Variants in WASL observed in about 807,000 individuals in gnomAD.
WASL encodes WASP like actin nucleation promoting factor.
A neutral mutation model predicts 55.5 loss-of-function variants in WASL; 20 were observed. The observed-to-expected ratio is 0.36, with a 90% CI of 0.25 to 0.52. The LOEUF is 0.52. Ranked by LOEUF, WASL falls within the 20% of genes least tolerant of loss-of-function variation. The probability of loss-of-function intolerance (pLI) is 0.92; values close to 1 mark genes in which losing one functional copy is unlikely to be tolerated. For synonymous variants in WASL, 249 were observed against 217.6 expected (o/e 1.14, Z -1.27); for missense variants, 504 against 622.5 (o/e 0.81, Z 2.03).
chr7:123,693,842 T>C (rs1033266754), intron 8 of WASL, among the ~76,000 whole-genome samples: 5 of 152,196 alleles, frequency 3.3e-5, no homozygotes, highest in Non-Finnish European at 7.3e-5. Flanking sequence ...GGTGCATGCC[T>C]GTAATCTCAG....
At chr7:123,725,305 G>A (rs1380393484) in intron 1 of WASL, among the ~76,000 whole-genome samples, 1 of 152,078 alleles carries the variant, frequency 6.6e-6, no homozygotes, top group Non-Finnish European at 1.5e-5. Flanking sequence ...TATTAAGTAT[G>A]CTCATCACTA....
intron 1 of WASL, among the ~76,000 whole-genome samples, chr7:123,728,768 G>A (rs1027572765): frequency 1.1e-4 from 16 of 151,868 alleles, no homozygotes; most frequent in African/African-American, 2.9e-4. Flanking sequence ...CGTGGGTGGC[G>A]GAGTTTGCAG....
At chr7:123,745,401 A>G (rs540508160) in intron 1 of WASL, among the ~76,000 whole-genome samples, 13 of 152,162 alleles carry the variant, frequency 8.5e-5, no homozygotes, top group African/African-American at 3.1e-4. Context: ...TACTTCCCCA[A>G]CTGTATCTCC....
At chr7:123,746,920 T>C (rs552372267) in intron 1 of WASL, among the ~76,000 whole-genome samples, 4 of 152,346 alleles carry the variant, frequency 2.6e-5, no homozygotes, top group South Asian at 2.1e-4. Flanking sequence ...ACAGGTTACA[T>C]AGCTAATCTA....
rs1803720344 is a variant in WASL, at chr7:123,709,334, GA to G, written c.118-112del. The G allele has an allele frequency of 8.7e-6, 7 of 800,354 alleles. No individual in the cohort carries two copies. The East Asian group carries it at 2.2e-4, about 25-fold the overall frequency. The allele number at this position is 800,354 out of a possible 1,614,324, so 49.6% of individuals were successfully genotyped here. A position where few individuals can be genotyped will look rare whatever the true frequency, so the allele number is the denominator to read the frequency against. On this transcript the variant is annotated intron_variant, in intron 1 of 10. Transcript: ENST00000223023. ...CCAGCTAAGCTGCTCCTAAATTCCT[GA>G]TTCACAGAAACAAGGAAATAATAAA... is the stretch of plus-strand genomic sequence containing the variant.
At position 123,717,170 on chromosome 7, in the gene WASL, T is replaced by C. The variant is rs1228980819; in HGVS notation, c.118-7947A>G. On this transcript the variant is annotated intron_variant, in intron 1 of 10. Coordinates refer to ENST00000223023, the MANE Select transcript of WASL (RefSeq NM_003941.4). ...AGTTTGTGGTAGTGGTTGTAGAAAGTAAAGGATTGCTGGTGCATGAGAAAA... is the reference window on the plus strand; with the variant it reads ...AGTTTGTGGTAGTGGTTGTAGAAAGCAAAGGATTGCTGGTGCATGAGAAAA... 2.0e-5 allele frequency among the ~76,000 whole-genome samples: 3 copies of C among 152,008 alleles called. No individual in the cohort carries two copies. The East Asian group carries it at 5.8e-4, about 29-fold the overall frequency.
chr7:123,707,715 C>T (rs907112996), intron 2 of WASL, among the ~76,000 whole-genome samples: 2 of 152,166 alleles, frequency 1.3e-5, no homozygotes, highest in African/African-American at 2.4e-5. Flanking sequence ...AATAGTGCTT[C>T]TCAATGGTTA....
At chr7:123,744,867 A>C (rs552654237) in intron 1 of WASL, among the ~76,000 whole-genome samples, 21 of 152,320 alleles carry the variant, frequency 1.4e-4, no homozygotes, top group African/African-American at 5.1e-4. Flanking sequence ...TTCTCCCTTC[A>C]TAATACTACC....
intron 5 of WASL, among the ~76,000 whole-genome samples, chr7:123,699,631 A>C (rs535403794): frequency 3.3e-4 from 50 of 152,332 alleles, no homozygotes; most frequent in African/African-American, 1.0e-3. Context: ...TATTTTTGAA[A>C]AATCAGCTTC....
chr7:123,702,130 C>T (rs185155319), intron 5 of WASL, among the ~76,000 whole-genome samples: 1 of 151,600 alleles, frequency 6.6e-6, no homozygotes, highest in African/African-American at 2.4e-5. Context: ...TCTCGGCTCA[C>T]TTGCAACCTC....
At chr7:123,747,419 C>A (rs946030102) in intron 1 of WASL, among the ~76,000 whole-genome samples, 3 of 152,228 alleles carry the variant, frequency 2.0e-5, no homozygotes, top group African/African-American at 7.2e-5. Flanking sequence ...TTGAATGGAA[C>A]GATTCAATCT....
rs895376588 is a variant in WASL at position 123,694,436 on chromosome 7, T to A, written c.826+279A>T. On this transcript the variant is annotated intron_variant, in intron 8 of 10. Transcript: ENST00000223023. ...CTGGTGGTTTATAGGATTCCTTAAG[T>A]ATAACATTTAGGCAACTATAAGTTT... Among the ~76,000 whole-genome samples the A allele has an allele frequency of 1.1e-4, 17 of 152,302 alleles. 2 individuals are homozygous for A. The highest frequency in any genetic ancestry group is 8.5e-4 in the Admixed American group (13 of 15,300).
At chr7:123,719,533 G>C (rs1188271762) in intron 1 of WASL, among the ~76,000 whole-genome samples, 1 of 152,172 alleles carries the variant, frequency 6.6e-6, no homozygotes, top group Non-Finnish European at 1.5e-5. Flanking sequence ...TCATGGTCCA[G>C]GACACATAGC....
At chr7:123,739,276 T>C (rs530912107) in intron 1 of WASL, among the ~76,000 whole-genome samples, 52 of 152,318 alleles carry the variant, frequency 3.4e-4, no homozygotes, top group Non-Finnish European at 6.0e-4. Context: ...TACCATCCAC[T>C]ATCTGCCCAA....
At position 123,704,634 on chromosome 7, in the gene WASL, C is replaced by A; in HGVS notation, c.460G>T (p.Gly154Cys). ...KSEKRRDPPN[G>C]PNLPMATVDI... ...GATTAATAATTGTCAAAAAGCTTAC[C>A]ATTTGGGGGATCTCGTCTTTTCTCT... Residue 154 changes from glycine to cysteine, a missense_variant and splice_region_variant, in exon 5 of 11, where the codon GGT (glycine) becomes TGT (cysteine). Gly to Cys is a radical substitution (Grantham distance 159). Around this residue, in one of 5 missense-constraint regions of WASL, gnomAD observed 230 missense variants for 271.9 expected, o/e 0.85. Transcript: ENST00000223023. 1 of 1,509,378 alleles carries A rather than the reference C, an allele frequency of 6.6e-7. No homozygotes were observed. Among genetic ancestry groups the A allele is most frequent in the Non-Finnish European group, 9.0e-7 (1 of 1,106,080 alleles). 93.5% of individuals were successfully genotyped at this position (1,509,378 alleles called of 1,614,324 possible). A position where few individuals can be genotyped will look rare whatever the true frequency, so the allele number is the denominator to read the frequency against.
chr7:123,741,444 T>C (rs1275968909), intron 1 of WASL, among the ~76,000 whole-genome samples: 2 of 152,198 alleles, frequency 1.3e-5, no homozygotes, highest in Non-Finnish European at 2.9e-5. Context: ...AAGAATTATA[T>C]TTATAGTTAA....
chr7:123,711,757 C>CT (rs1475013879), intron 1 of WASL, among the ~76,000 whole-genome samples: 2 of 152,120 alleles, frequency 1.3e-5, no homozygotes, highest in African/African-American at 4.8e-5. Context: ...TCCATTCCTT[C>CT]TTGTCTTTCG....
At chr7:123,696,436 A>G in intron 6 of WASL, 143 bp downstream of exon 6, 1 of 682,656 alleles carries the variant, frequency 1.5e-6, no homozygotes, top group Non-Finnish European at 2.1e-6. Context: ...AACTCCAATA[A>G]AGTACATAGT....
intron 1 of WASL, among the ~76,000 whole-genome samples, chr7:123,716,372 T>C (rs1225563248): frequency 6.6e-6 from 1 of 152,056 alleles, no homozygotes; most frequent in Non-Finnish European, 1.5e-5. Context: ...CCCACCATCA[T>C]GCCCAGCTAA....
Sources: allele counts gnomAD v4.1 joint callset (sites outside exome capture counted in the v4.1 genomes callset), GRCh38; gene constraint gnomAD v4.1.1; regional missense constraint gnomAD v4.1.1; transcripts MANE v1.5; gene names NCBI Gene and HGNC (gene_info 2026-07-23, HGNC 2026-07-21).